FBXO31: variants seen among roughly 807,000 people sequenced by gnomAD.
The protein encoded by FBXO31 is F-box protein 31.
FBXO31 carries 24 observed loss-of-function variants against 54.4 expected under a neutral mutation model. The observed-to-expected ratio is 0.44, with a 90% CI of 0.32 to 0.62. FBXO31 has a LOEUF of 0.62. Among genes scored for constraint, FBXO31 ranks in the 20% least tolerant of loss-of-function variants. The pLI is 0.05. For missense variants in FBXO31, 665 were observed against 787.1 expected (o/e 0.84, Z 1.86); for synonymous variants, 388 against 335.6 (o/e 1.16, Z -1.71).
In FBXO31 at chr16:87,328,443, A is replaced by T. The variant is rs571743466; in HGVS notation, c.*2845T>A. The stretch of plus-strand genomic sequence containing the variant: ...AGGGCATGGTCAGGAACGAAGAAGG[A>T]GGGAGCCTGAGGCTCTCCCACCACC... On this transcript the variant is annotated 3_prime_UTR_variant, in exon 9 of 9. Coordinates refer to ENST00000311635, the MANE Select transcript of FBXO31 (RefSeq NM_024735.5). The T allele has an allele frequency of 2.2e-4, 33 of 152,558 alleles. No individual in the cohort carries two copies. Among genetic ancestry groups the T allele is most frequent in the African/African-American group, 7.2e-4 (30 of 41,576 alleles). The allele number at this position is 152,558 out of a possible 1,614,324, so 9.5% of individuals were successfully genotyped here.
At chr16:87,378,392 T>G (rs1010639494) in intron 1 of FBXO31, among the ~76,000 whole-genome samples, 1 of 152,234 alleles carries the variant, frequency 6.6e-6, no homozygotes, top group Non-Finnish European at 1.5e-5. Flanking sequence ...CAAATTGGCA[T>G]CGATTTTTAA....
At chr16:87,354,514 T>C (rs1050558938) in intron 2 of FBXO31, among the ~76,000 whole-genome samples, 12 of 150,906 alleles carry the variant, frequency 8.0e-5, no homozygotes, top group African/African-American at 2.9e-4. Flanking sequence ...TTCACCAACG[T>C]GCAGAGAAGC....
intron 2 of FBXO31, among the ~76,000 whole-genome samples, chr16:87,351,094 G>A (rs1905633610): frequency 6.6e-6 from 1 of 152,224 alleles, no homozygotes; most frequent in Non-Finnish European, 1.5e-5. Context: ...TGGGCTGCCA[G>A]CGCACAGACC....
At chr16:87,369,328 G>C (rs923840318) in intron 1 of FBXO31, among the ~76,000 whole-genome samples, 1 of 151,964 alleles carries the variant, frequency 6.6e-6, no homozygotes, top group Non-Finnish European at 1.5e-5. Flanking sequence ...TGTCCCCATG[G>C]AGCGGCAACT....
intron 1 of FBXO31, among the ~76,000 whole-genome samples, chr16:87,366,909 G>C (rs1906392912): frequency 6.6e-6 from 1 of 152,126 alleles, no homozygotes; most frequent in Non-Finnish European, 1.5e-5. Context: ...CGGGCGCAAG[G>C]GCTCACACTT....
chr16:87,369,084 C>A (rs565948947), intron 1 of FBXO31, among the ~76,000 whole-genome samples: 3 of 152,084 alleles, frequency 2.0e-5, no homozygotes, highest in Non-Finnish European at 4.4e-5. Context: ...CCACTGCACC[C>A]GGCCTTTATT....
At chr16:87,355,772 T>C (rs569558907) in intron 2 of FBXO31, among the ~76,000 whole-genome samples, 1 of 152,242 alleles carries the variant, frequency 6.6e-6, no homozygotes, top group East Asian at 1.9e-4. Flanking sequence ...AGGAGGTCTC[T>C]TCCTCGTGAG....
intron 8 of FBXO31, 125 bp from the exon 9 acceptor site, chr16:87,331,635 C>T: frequency 1.2e-6 from 1 of 818,538 alleles, no homozygotes; most frequent in South Asian, 1.8e-5. Context: ...CAGCCAGAAG[C>T]TGACTCCCAG....
Position 87,345,778 on chromosome 16 carries a change from G to A in FBXO31, c.489+1396C>T, listed in dbSNP as rs1473540614. 6.6e-6 allele frequency among the ~76,000 whole-genome samples: 1 copy of A among 152,238 alleles called. No individual in the cohort carries two copies. The highest frequency in any genetic ancestry group is 1.5e-5 in the Non-Finnish European group (1 of 68,034). On this transcript the variant is annotated intron_variant, in intron 3 of 8. Coordinates refer to ENST00000311635, the MANE Select transcript of FBXO31 (RefSeq NM_024735.5). This position sits in a 1 kb window ranked among gnomAD's most constrained non-coding sequence, Gnocchi z 4.9. ...GGGACAGGCTGAGAGGCGAGGGGCA[G>A]GGCCTTCTCCCCCCTTCCTGAGGCC...
At chr16:87,390,704 T>G (rs1276607792), upstream of FBXO31, among the ~76,000 whole-genome samples, 2 of 152,236 alleles carry the variant, frequency 1.3e-5, no homozygotes, top group East Asian at 1.9e-4. Flanking sequence ...CCTCCCAAAG[T>G]GCTGGAATTA....
chr16:87,336,315 G>A lies in FBXO31; in HGVS notation c.733-51C>T, dbSNP rs761551124. 219 of 1,546,740 alleles carry A rather than the reference G, an allele frequency of 1.4e-4. No homozygotes were observed. The highest frequency in any genetic ancestry group is 1.1e-3 in the South Asian group (95 of 89,886). The stretch of plus-strand genomic sequence containing the variant: ...TATCCATATGACAGGAGGCTGTGAA[G>A]AGGCTGCCGGCTGTGCCGCTGAGAG... On this transcript the variant is annotated intron_variant, in intron 5 of 8. Transcript: ENST00000311635. This position sits in a 1 kb window ranked among gnomAD's most constrained non-coding sequence, Gnocchi z 6.5.
At chr16:87,348,675 G>A (rs1265368524) in intron 2 of FBXO31, among the ~76,000 whole-genome samples, 1 of 152,176 alleles carries the variant, frequency 6.6e-6, no homozygotes, top group Non-Finnish European at 1.5e-5. Flanking sequence ...TGGGTCGCTG[G>A]AAGCACAGGT....
chr16:87,337,652 C>G (rs904226743), intron 5 of FBXO31, among the ~76,000 whole-genome samples: 3 of 152,144 alleles, frequency 2.0e-5, no homozygotes, highest in African/African-American at 7.2e-5. Flanking sequence ...CGGAGGTGCC[C>G]ACACCTGCCC....
chr16:87,374,502 T>C (rs1040253013), intron 1 of FBXO31, among the ~76,000 whole-genome samples: 1 of 152,212 alleles, frequency 6.6e-6, no homozygotes, highest in African/African-American at 2.4e-5. Context: ...TCCTACTGAA[T>C]GTGTGTCACT....
chr16:87,383,914 C>A, upstream of FBXO31: 1 of 379,474 alleles, frequency 2.6e-6, no homozygotes, highest in Non-Finnish European at 4.0e-6. This position sits in a 1 kb window ranked among gnomAD's most constrained non-coding sequence, Gnocchi z 4.9. Flanking sequence ...CCCCGCGGGG[C>A]GGCGACCTCA....
chr16:87,335,585 T>G lies in FBXO31; in HGVS notation c.843-128A>C. 9.1e-7 allele frequency: 1 copy of G among 1,097,130 alleles called. No homozygotes were observed. Among genetic ancestry groups the G allele is most frequent in the Admixed American group, 2.4e-5 (1 of 41,732 alleles). The allele number at this position is 1,097,130 out of a possible 1,614,324, so 68.0% of individuals were successfully genotyped here. A position where few individuals can be genotyped will look rare whatever the true frequency, so the allele number is the denominator to read the frequency against. On this transcript the variant is annotated intron_variant, in intron 6 of 8. Coordinates refer to ENST00000311635, the MANE Select transcript of FBXO31 (RefSeq NM_024735.5). This position sits in a 1 kb window ranked among gnomAD's most constrained non-coding sequence, Gnocchi z 5.7. ...GCAGCTCAGCTCAACCAGGGCCAGG[T>G]GTCCACCAGGCCTGTGGGCAGCAAT...
At chr16:87,388,596 AC>A (rs890376851), upstream of FBXO31, 5 of 152,166 alleles carry the variant, frequency 3.3e-5, no homozygotes, top group African/African-American at 1.2e-4. Context: ...GCAAAAAATA[AC>A]CCCGATGCTT....
At chr16:87,367,903 C>T (rs1906437064) in intron 1 of FBXO31, 1 of 152,218 alleles carries the variant, frequency 6.6e-6, no homozygotes. Flanking sequence ...AGGCTGGTGA[C>T]TTAGTTTCAT....
chr16:87,336,341 G>A lies in FBXO31; in HGVS notation c.733-77C>T, dbSNP rs1285128206. 2 of 1,309,192 alleles carry A rather than the reference G, an allele frequency of 1.5e-6. No individual in the cohort carries two copies. The highest frequency in any genetic ancestry group is 2.2e-6 in the Non-Finnish European group (2 of 913,710). The allele number at this position is 1,309,192 out of a possible 1,614,324, so 81.1% of individuals were successfully genotyped here. Reference sequence around the variant, plus strand: ...AGGCTGCCGGCTGTGCCGCTGAGAGGACACAGTGTGTCCTTCTTTGTCAGT... The same window carrying A: ...AGGCTGCCGGCTGTGCCGCTGAGAGAACACAGTGTGTCCTTCTTTGTCAGT... On this transcript the variant is annotated intron_variant, in intron 5 of 8. Coordinates refer to ENST00000311635, the MANE Select transcript of FBXO31 (RefSeq NM_024735.5). This position sits in a 1 kb window ranked among gnomAD's most constrained non-coding sequence, Gnocchi z 6.5.
Sources: allele counts gnomAD v4.1 joint callset (sites outside exome capture counted in the v4.1 genomes callset), GRCh38; gene constraint gnomAD v4.1.1; non-coding constraint Gnocchi (gnomAD v3.1); transcripts MANE v1.5; gene names NCBI Gene and HGNC (gene_info 2026-07-23, HGNC 2026-07-21).